Variants in TUT7 observed in about 807,000 individuals in gnomAD.
The protein encoded by TUT7 is terminal uridylyl transferase 7.
Under a neutral mutation model 165.9 loss-of-function variants are expected in TUT7, and 33 were observed. The observed-to-expected ratio is 0.20, with a 90% CI of 0.15 to 0.27. TUT7 has a LOEUF of 0.27. TUT7 is among the 10% of genes least tolerant of loss of function. The probability of loss-of-function intolerance (pLI) is 1.00; values close to 1 mark genes in which losing one functional copy is unlikely to be tolerated. For synonymous variants in TUT7, 552 were observed against 608.1 expected, an observed-to-expected ratio of 0.91 and a Z score of 1.36; for missense variants, 1,338 against 1,762.3, an observed-to-expected ratio of 0.76 and a Z score of 4.31.
At chr9:86,325,220 G>T in intron 12 of TUT7, 114 bp downstream of exon 12, 1 of 933,008 alleles carries the variant, frequency 1.1e-6, no homozygotes, top group Non-Finnish European at 1.6e-6. Flanking sequence ...CCCTTTGAGG[G>T]CAGGCCTACC....
At chr9:86,300,189 A>C (rs1826747992) in intron 26 of TUT7, among the ~76,000 whole-genome samples, 1 of 152,224 alleles carries the variant, frequency 6.6e-6, no homozygotes, top group South Asian at 2.1e-4. Context: ...ATAATAGATA[A>C]AAATTTTTAA....
At chr9:86,348,702 T>C (rs991186294) in intron 2 of TUT7, among the ~76,000 whole-genome samples, 5 of 152,052 alleles carry the variant, frequency 3.3e-5, no homozygotes, top group African/African-American at 1.2e-4. Context: ...TGGTGAGTCA[T>C]GATTGCGCCA....
chr9:86,351,332 G>T (rs1408920909), intron 2 of TUT7, among the ~76,000 whole-genome samples: 1 of 151,994 alleles, frequency 6.6e-6, no homozygotes, highest in Non-Finnish European at 1.5e-5. Flanking sequence ...GCTACTTTGG[G>T]GGATGAGACA....
At chr9:86,307,921 G>T (rs1378299484) in intron 22 of TUT7, among the ~76,000 whole-genome samples, 1 of 152,140 alleles carries the variant, frequency 6.6e-6, no homozygotes, top group East Asian at 1.9e-4. Flanking sequence ...TTGAACCCAG[G>T]AGGCGGAGGT....
chr9:86,338,595 T>G lies in TUT7; in HGVS notation c.1335+228A>C, dbSNP rs532183816. Among the ~76,000 whole-genome samples the G allele has an allele frequency of 2.0e-5, 3 of 152,316 alleles. No individual in the cohort carries two copies. In the South Asian group the frequency reaches 6.2e-4, roughly 32 times the overall value. The stretch of plus-strand genomic sequence containing the variant: ...TCTGAGATTTAACTCACAAATCTGA[T>G]TTTTAATAAGCCCTATAAATCATTT... On this transcript the variant is annotated intron_variant, in intron 9 of 26. Coordinates refer to ENST00000375963, the MANE Select transcript of TUT7 (RefSeq NM_024617.4).
intron 2 of TUT7, among the ~76,000 whole-genome samples, chr9:86,350,024 T>C (rs1219486700): frequency 2.6e-5 from 4 of 152,180 alleles, no homozygotes; most frequent in Non-Finnish European, 5.9e-5. Flanking sequence ...TTTTGATCTA[T>C]AAACTTTCTT....
chr9:86,326,407 T>C (rs1293271182), intron 11 of TUT7: 1 of 154,868 alleles, frequency 6.5e-6, no homozygotes, highest in African/African-American at 2.4e-5. Context: ...TGAGATAGTG[T>C]CTGTAAAGTG....
intron 2 of TUT7, among the ~76,000 whole-genome samples, chr9:86,351,132 C>CAAA (rs35968773): frequency 1.1e-4 from 13 of 120,496 alleles, no homozygotes; most frequent in African/African-American, 3.5e-4. Context: ...GAGACTGTCT[C>CAAA]AAAAAAAAAA....
intron 26 of TUT7, chr9:86,298,878 T>C: frequency 1.1e-6 from 1 of 915,568 alleles, no homozygotes; most frequent in Non-Finnish European, 1.3e-6. Flanking sequence ...GAAGAGCATC[T>C]GAAACAGCCT....
In TUT7 at chr9:86,309,451, A is replaced by T. The variant is rs1179025518; in HGVS notation, c.3582+12T>A. The T allele has an allele frequency of 6.3e-7, 1 of 1,589,914 alleles. No homozygotes were observed. The highest frequency in any genetic ancestry group is 8.6e-7 in the Non-Finnish European group (1 of 1,167,484). ...TTTTCCAGATAAGAAATACAATTTCATTCACTAATACCTCTTGAAGGACAG... is the reference window on the plus strand; with the variant it reads ...TTTTCCAGATAAGAAATACAATTTCTTTCACTAATACCTCTTGAAGGACAG... On this transcript the variant is annotated intron_variant, in intron 20 of 26. Transcript: ENST00000375963.
intron 25 of TUT7, chr9:86,301,947 T>A: frequency 1.4e-6 from 1 of 714,620 alleles, no homozygotes; most frequent in Non-Finnish European, 1.7e-6. Context: ...TCTGGCACAT[T>A]AGCATTCTTT....
At position 86,309,538 on chromosome 9, in the gene TUT7, T is replaced by C; in HGVS notation, c.3507A>G (p.Ser1169=). ...GCACCATAAGAGTATATGCATACGATGATAAGCTGCCTCTAGATGCATCAC... is the reference window on the plus strand; with the variant it reads ...GCACCATAAGAGTATATGCATACGACGATAAGCTGCCTCTAGATGCATCAC... The part of the protein sequence containing the change: ...DIGDASRGSL[S]SYAYTLMVLY... Residue 1169 remains serine, a synonymous_variant, in exon 20 of 27, where the codon TCA becomes TCG. Transcript: ENST00000375963. 2 of 1,613,418 alleles carry C rather than the reference T, an allele frequency of 1.2e-6. No individual in the cohort carries two copies. Among genetic ancestry groups the C allele is most frequent in the Non-Finnish European group, 1.7e-6 (2 of 1,179,844 alleles).
At chr9:86,351,358 C>T (rs1832287686) in intron 2 of TUT7, among the ~76,000 whole-genome samples, 1 of 152,188 alleles carries the variant, frequency 6.6e-6, no homozygotes, top group South Asian at 2.1e-4. Flanking sequence ...ATCGCTTGAA[C>T]CCAGGAGGCA....
At chr9:86,307,760 G>A (rs1048441588) in intron 22 of TUT7, among the ~76,000 whole-genome samples, 6 of 152,120 alleles carry the variant, frequency 3.9e-5, no homozygotes, top group African/African-American at 7.2e-5. Context: ...TTGGGAGGCC[G>A]AGGTGGGTGA....
At chr9:86,344,165 A>G (rs956588068) in intron 5 of TUT7, among the ~76,000 whole-genome samples, 3 of 152,180 alleles carry the variant, frequency 2.0e-5, no homozygotes, top group Non-Finnish European at 4.4e-5. Context: ...AATGATTCCA[A>G]CCCTAGCTGT....
At position 86,346,459 on chromosome 9, in the gene TUT7, C is replaced by G; in HGVS notation, c.542G>C (p.Arg181Thr). The G allele has an allele frequency of 6.2e-7, 1 of 1,613,234 alleles. No individual in the cohort carries two copies. Among genetic ancestry groups the G allele is most frequent in the East Asian group, 2.2e-5 (1 of 44,870 alleles). Residue 181 changes from arginine (R) to threonine (T), a missense_variant, in exon 3 of 27, where the codon AGA becomes ACA. Transcript: ENST00000375963. ...TCTAGTCTTCCGTGGCTTCCTAGGT[C>G]TGGACCTCTGCTTCTTGTTTTCTTA... The part of the protein sequence containing the change: ...GSPENKKQRS[R>T]PRKPRKTRNE...
chr9:86,348,733 CAG>C (rs1832001872), intron 2 of TUT7, among the ~76,000 whole-genome samples: 1 of 152,022 alleles, frequency 6.6e-6, no homozygotes, highest in Non-Finnish European at 1.5e-5. Context: ...GCCTGGGTGA[CAG>C]AGTGAGACTC....
intron 14 of TUT7, 25 bp from the exon 15 acceptor site, chr9:86,319,695 TGACAAAA>T: frequency 6.6e-7 from 1 of 1,510,534 alleles, no homozygotes; most frequent in Non-Finnish European, 9.1e-7. Context: ...ATAGACATAT[TGACAAAA>T]TAAGCCGGTT....
intron 5 of TUT7, among the ~76,000 whole-genome samples, chr9:86,343,450 CTAT>C (rs1219836618): frequency 1.3e-5 from 2 of 152,008 alleles, no homozygotes; most frequent in Non-Finnish European, 2.9e-5. Context: ...GAATAAAATA[CTAT>C]TATCTAAATA....
Sources: gnomAD v4.1 joint callset for allele counts (sites outside exome capture counted in the v4.1 genomes callset) on GRCh38, gnomAD v4.1.1 for gene constraint, MANE v1.5 for transcripts, NCBI Gene and HGNC (gene_info 2026-07-23, HGNC 2026-07-21) for gene names.